RBFOX1: variants seen among roughly 807,000 people sequenced by gnomAD.
RBFOX1 encodes RNA binding protein fox-1 homolog 1.
Under a neutral mutation model 57.7 loss-of-function variants are expected in RBFOX1, and 8 were observed. That is an observed-to-expected ratio of 0.14 (90% CI 0.08 to 0.25). The LOEUF (loss-of-function observed/expected upper bound fraction) is 0.25. RBFOX1 is among the 10% of genes least tolerant of loss of function. RBFOX1 has a pLI of 1.00. For missense variants in RBFOX1, 611 were observed against 548.5 expected (o/e 1.11, Z -1.14); for synonymous variants, 326 against 222.4 (o/e 1.47, Z -4.15).
intron 3 of RBFOX1, among the ~76,000 whole-genome samples, chr16:5,827,765 G>A (rs2056116301): frequency 6.6e-6 from 1 of 152,092 alleles, no homozygotes; most frequent in South Asian, 2.1e-4. Flanking sequence ...GCACGCCACT[G>A]TGTCTCTACA....
At chr16:5,749,254 C>T (rs1260000290) in intron 3 of RBFOX1, among the ~76,000 whole-genome samples, 1 of 152,116 alleles carries the variant, frequency 6.6e-6, no homozygotes, top group Non-Finnish European at 1.5e-5. Context: ...TAATAGGCTT[C>T]CCTTTGTGTG....
chr16:7,337,877 G>A (rs940777769), intron 4 of RBFOX1, among the ~76,000 whole-genome samples: 2 of 152,122 alleles, frequency 1.3e-5, no homozygotes, highest in African/African-American at 4.8e-5. Context: ...TAGAGACAGG[G>A]TTTCACCATG....
Position 5,663,556 on chromosome 16 carries a change from A to G in RBFOX1, c.318+64595A>G, listed in dbSNP as rs746784085. ...AAATAGCTTCAGTCAAGCAGTGACC[A>G]GTTGTTGAGAGTGCAGGGGGTGCAA... On this transcript the variant is annotated intron_variant, in intron 3 of 19. Transcript: ENST00000641259. Among the ~76,000 whole-genome samples, 81 of 152,308 alleles carry G rather than the reference A, an allele frequency of 5.3e-4. No individual in the cohort carries two copies. The Middle Eastern group carries it at 0.01, about 19-fold the overall frequency.
In RBFOX1 at chr16:6,516,511, A is replaced by G. The variant is rs532225208; in HGVS notation, c.-63-138092A>G. The stretch of plus-strand genomic sequence containing the variant: ...TATGTTTAAAATGTCTTTGTTTCAG[A>G]GGAAAAACTCCTCAAACATAAGGCT... On this transcript the variant is annotated intron_variant, in intron 2 of 15. Transcript: ENST00000550418. Among the ~76,000 whole-genome samples the G allele has an allele frequency of 6.6e-5, 10 of 152,332 alleles. No individual in the cohort carries two copies. In the South Asian group the frequency reaches 2.1e-3, roughly 32 times the overall value.
At chr16:6,476,475 A>G (rs1181117450) in intron 2 of RBFOX1, among the ~76,000 whole-genome samples, 1 of 152,212 alleles carries the variant, frequency 6.6e-6, no homozygotes, top group Non-Finnish European at 1.5e-5. Context: ...GTGCTTTTGT[A>G]CCATACTGTA....
chr16:5,581,053 A>G (rs2046647806), intron 2 of RBFOX1, among the ~76,000 whole-genome samples: 2 of 152,212 alleles, frequency 1.3e-5, no homozygotes, highest in South Asian at 4.1e-4. Flanking sequence ...TGAACCGGAA[A>G]GCGTTGTCTG....
intron 3 of RBFOX1, among the ~76,000 whole-genome samples, chr16:6,713,309 G>A (rs993277493): frequency 4.6e-5 from 7 of 151,996 alleles, no homozygotes; most frequent in Admixed American, 3.9e-4. Flanking sequence ...ATTGCTCACA[G>A]GATAGTCTCA....
chr16:7,174,540 G>T (rs1301172438), intron 4 of RBFOX1, among the ~76,000 whole-genome samples: 2 of 152,162 alleles, frequency 1.3e-5, no homozygotes, highest in Non-Finnish European at 2.9e-5. Context: ...CAGCCCTTTG[G>T]GAGGCAGAGG....
chr16:5,879,804 T>C (rs1222040027), intron 4 of RBFOX1, among the ~76,000 whole-genome samples: 1 of 152,186 alleles, frequency 6.6e-6, no homozygotes, highest in African/African-American at 2.4e-5. Flanking sequence ...AGGATGCTTC[T>C]CTCTTGTGGC....
intron 3 of RBFOX1, among the ~76,000 whole-genome samples, chr16:6,774,269 T>A (rs1172403810): frequency 1.3e-5 from 2 of 152,138 alleles, no homozygotes; most frequent in African/African-American, 2.4e-5. Flanking sequence ...TCATGGAGCA[T>A]GTCTACTCTA....
intron 3 of RBFOX1, among the ~76,000 whole-genome samples, chr16:6,929,052 C>A (rs897986970): frequency 6.6e-6 from 1 of 152,100 alleles, no homozygotes; most frequent in Non-Finnish European, 1.5e-5. Flanking sequence ...GTTAGGAAGA[C>A]GCCAGGAAAA....
chr16:5,967,618 C>T (rs991678407), intron 4 of RBFOX1, among the ~76,000 whole-genome samples: 2 of 152,164 alleles, frequency 1.3e-5, no homozygotes, highest in African/African-American at 4.8e-5. Flanking sequence ...CATACTGATA[C>T]TTCCAATCCA....
chr16:6,228,038 C>T (rs943436028), intron 1 of RBFOX1, among the ~76,000 whole-genome samples: 7 of 152,242 alleles, frequency 4.6e-5, no homozygotes, highest in East Asian at 3.9e-4. Context: ...TGGCCAGGCA[C>T]GGTGGCTCAC....
intron 15 of RBFOX1, chr16:7,710,144 C>G: frequency 9.8e-7 from 1 of 1,023,232 alleles, no homozygotes; most frequent in Non-Finnish European, 1.2e-6. Context: ...CAACTCCCTT[C>G]TCAAGATCAG....
At chr16:7,199,074 G>T (rs1028032843) in intron 4 of RBFOX1, among the ~76,000 whole-genome samples, 1 of 152,124 alleles carries the variant, frequency 6.6e-6, no homozygotes, top group Non-Finnish European at 1.5e-5. Context: ...CATCACCACA[G>T]GTCCGTCCTC....
At chr16:5,693,789 C>A (rs2151466059) in intron 3 of RBFOX1, among the ~76,000 whole-genome samples, 1 of 152,292 alleles carries the variant, frequency 6.6e-6, no homozygotes, top group Non-Finnish European at 1.5e-5. Flanking sequence ...CCTCTCCCTT[C>A]TTATAAGTAG....
Position 6,665,488 on chromosome 16 carries a change from A to G in RBFOX1, c.-16+10838A>G, listed in dbSNP as rs748629558. ...ATATAAAAAAATATTAGCCAGGCATAGTGACAGGCACCTGTAATCGCAGCT... is the reference window on the plus strand; with the variant it reads ...ATATAAAAAAATATTAGCCAGGCATGGTGACAGGCACCTGTAATCGCAGCT... On this transcript the variant is annotated intron_variant, in intron 3 of 15. Coordinates refer to ENST00000550418, the MANE Select transcript of RBFOX1 (RefSeq NM_018723.4). Among the ~76,000 whole-genome samples the G allele has an allele frequency of 1.0e-3, 157 of 152,044 alleles. 1 individual carries two copies. The highest frequency in any genetic ancestry group is 1.2e-3 in the Non-Finnish European group (81 of 67,992).
At chr16:7,000,825 A>G (rs369704682) in intron 3 of RBFOX1, among the ~76,000 whole-genome samples, 3 of 151,598 alleles carry the variant, frequency 2.0e-5, no homozygotes, top group Admixed American at 6.6e-5. Context: ...GATGCTCTCG[A>G]TCTCCTGACC....
At chr16:6,769,611 A>G (rs370122992) in intron 3 of RBFOX1, among the ~76,000 whole-genome samples, 16 of 152,212 alleles carry the variant, frequency 1.1e-4, no homozygotes, top group East Asian at 7.7e-4. Context: ...AGACTTCTCT[A>G]TGGCATCTCC....
Sources: allele counts gnomAD v4.1 joint callset (sites outside exome capture counted in the v4.1 genomes callset), GRCh38; gene constraint gnomAD v4.1.1; transcripts MANE v1.5; gene names NCBI Gene and HGNC (gene_info 2026-07-23, HGNC 2026-07-21).